ARL10: variants seen among roughly 807,000 people sequenced by gnomAD.
The protein encoded by ARL10 is ARF like GTPase 10, also known as ADP-ribosylation factor-like protein 10.
Under a neutral mutation model 26.1 loss-of-function variants are expected in ARL10, and 23 were observed. The observed-to-expected ratio is 0.88, with a 90% CI of 0.63 to 1.25. The LOEUF (loss-of-function observed/expected upper bound fraction) is 1.25. Ranked by LOEUF, ARL10 falls within the 50% of genes most tolerant of loss-of-function variation. The pLI, the probability that ARL10 is intolerant of heterozygous loss-of-function variation, is 0.00. For missense variants in ARL10, 300 were observed against 323.6 expected, an observed-to-expected ratio of 0.93 and a Z score of 0.56; for synonymous variants, 138 against 149.1, an observed-to-expected ratio of 0.93 and a Z score of 0.54.
intron 1 of ARL10, chr5:176,397,651 G>T: frequency 6.2e-7 from 1 of 1,612,736 alleles, no homozygotes; most frequent in Non-Finnish European, 8.5e-7. Flanking sequence ...TCTGGCGCTG[G>T]TTCCACTCCT....
downstream of ARL10, chr5:176,385,127 C>A: frequency 1.3e-6 from 1 of 789,020 alleles, no homozygotes; most frequent in Non-Finnish European, 2.3e-6. Context: ...TTTCTTTGCA[C>A]TCGGTTTCAG....
At chr5:176,385,203 G>C (rs370500348), downstream of ARL10, 6 of 1,484,634 alleles carry the variant, frequency 4.0e-6, no homozygotes, top group African/African-American at 2.8e-5. Flanking sequence ...GCCAGCCCAC[G>C]GGGCCTGAGC....
chr5:176,388,456 C>T lies in ARL10; in HGVS notation c.198C>T (p.Phe66=), dbSNP rs777084499. 2.5e-6 allele frequency: 4 copies of T among 1,614,114 alleles called. No homozygotes were observed. The Admixed American group carries it at 5.0e-5, about 20-fold the overall frequency. The change falls in exon 2 of 2, where the codon TTC becomes TTT. Residue 66 remains phenylalanine (F), a synonymous_variant. Coordinates refer to the ARL10 transcript ENST00000503175. ...ACCATTCGATCCGCGGCGCTGCCTTCCGTCGAGCATTCCGGTTCAGACGCT... is the reference window on the plus strand; with the variant it reads ...ACCATTCGATCCGCGGCGCTGCCTTTCGTCGAGCATTCCGGTTCAGACGCT...
At chr5:176,408,986 ATTT>A in the ARL10 span, among the ~76,000 whole-genome samples, 2 of 151,856 alleles carry the variant, frequency 1.3e-5, no homozygotes, top group Non-Finnish European at 2.9e-5. Context: ...CTTTAGTTTT[ATTT>A]TTTTGAGATA....
At chr5:176,409,967 C>T in the ARL10 span, among the ~76,000 whole-genome samples, 1 of 152,202 alleles carries the variant, frequency 6.6e-6, no homozygotes, top group Non-Finnish European at 1.5e-5. Flanking sequence ...GCGCTGCCTT[C>T]ATCTCATGCT....
chr5:176,401,442 A>G (rs1756811368), intron 1 of ARL10, among the ~76,000 whole-genome samples: 1 of 152,224 alleles, frequency 6.6e-6, no homozygotes, highest in Non-Finnish European at 1.5e-5. Flanking sequence ...GTGCCAGCCC[A>G]TGTGGGTGTT....
chr5:176,388,739 T>C, downstream of ARL10: 2 of 1,550,264 alleles, frequency 1.3e-6, no homozygotes, highest in Admixed American at 1.9e-5. Flanking sequence ...CTCAATTTAT[T>C]CGTTTCCCCG....
downstream of ARL10, among the ~76,000 whole-genome samples, chr5:176,382,095 A>G (rs1442681294): frequency 1.3e-5 from 2 of 152,206 alleles, no homozygotes; most frequent in African/African-American, 4.8e-5. Flanking sequence ...CTCAAGGCAC[A>G]GTGCCACAGT....
downstream of ARL10, chr5:176,386,613 C>T: frequency 1.6e-6 from 1 of 635,428 alleles, no homozygotes; most frequent in South Asian, 1.6e-5. Flanking sequence ...GGTACATCCT[C>T]CCTAAACATC....
downstream of ARL10, among the ~76,000 whole-genome samples, chr5:176,391,598 C>A (rs371370208): frequency 6.6e-6 from 1 of 152,102 alleles, no homozygotes; most frequent in East Asian, 1.9e-4. Flanking sequence ...AGTGATAAAG[C>A]GAGACCCTGT....
At chr5:176,403,943 AG>A (rs944030326), downstream of ARL10, among the ~76,000 whole-genome samples, 19 of 151,770 alleles carry the variant, frequency 1.3e-4, no homozygotes, top group South Asian at 4.2e-4. Context: ...TATTTTTAGT[AG>A]AGACAGGGTT....
At chr5:176,400,353 CTAT>C (rs781278996) in intron 1 of ARL10, among the ~76,000 whole-genome samples, 58 of 152,230 alleles carry the variant, frequency 3.8e-4, no homozygotes, top group Non-Finnish European at 7.9e-4. Flanking sequence ...AGAATTACTA[CTAT>C]TATTATTCAT....
downstream of ARL10, among the ~76,000 whole-genome samples, chr5:176,383,611 GT>G (rs1219662514): frequency 6.6e-6 from 1 of 152,274 alleles, no homozygotes; most frequent in African/African-American, 2.4e-5. Flanking sequence ...CAGGCCAGGA[GT>G]TGAGCTCCTT....
exon 2 of ARL10, chr5:176,401,764 C>G: frequency 2.2e-6 from 1 of 456,250 alleles, no homozygotes; most frequent in Non-Finnish European, 4.4e-6. Flanking sequence ...AACAGCGACA[C>G]TGAACAATTT....
rs1009253966 is a variant in ARL10, at chr5:176,372,500, T to C, written c.*605T>C. 6.0e-6 allele frequency: 1 copy of C among 165,874 alleles called. No homozygotes were observed. Among genetic ancestry groups the C allele is most frequent in the South Asian group, 2.0e-4 (1 of 4,904 alleles). The allele number at this position is 165,874 out of a possible 1,614,324, so 10.3% of individuals were successfully genotyped here. A position where few individuals can be genotyped will look rare whatever the true frequency, so the allele number is the denominator to read the frequency against. The stretch of plus-strand genomic sequence containing the variant: ...GAGATGCCTTTCCCAGCCATGGGAG[T>C]GTGAAGTGCTAGGATGAACCTGGCC... On this transcript the variant is annotated 3_prime_UTR_variant, in exon 4 of 4. Transcript: ENST00000310389.
rs773904190 is a variant in ARL10 at position 176,371,790 on chromosome 5, G to T, written c.630G>T (p.Gln210His). The T allele has an allele frequency of 6.2e-7, 1 of 1,614,226 alleles. No homozygotes were observed. Among genetic ancestry groups the T allele is most frequent in the Non-Finnish European group, 8.5e-7 (1 of 1,180,044 alleles). ...RELGLQAIDNQREVFLLAASI... is the reference protein window; with the variant it reads ...RELGLQAIDNHREVFLLAASI... ...TGGGTCTACAGGCTATCGATAACCAGCGGGAGGTTTTCCTCTTGGCAGCCA... is the reference window on the plus strand; with the variant it reads ...TGGGTCTACAGGCTATCGATAACCATCGGGAGGTTTTCCTCTTGGCAGCCA... Residue 210 changes from glutamine to histidine, a missense_variant, in exon 4 of 4, where the codon CAG (glutamine) becomes CAT (histidine). Transcript: ENST00000310389.
chr5:176,391,472 T>C (rs1756260786), downstream of ARL10, among the ~76,000 whole-genome samples: 2 of 152,026 alleles, frequency 1.3e-5, no homozygotes, highest in Non-Finnish European at 1.5e-5. Flanking sequence ...ATTAGCCAAA[T>C]GTGGTGGCAC....
chr5:176,397,366 CT>C (rs1236199068), intron 1 of ARL10, among the ~76,000 whole-genome samples: 23 of 140,180 alleles, frequency 1.6e-4, no homozygotes, highest in South Asian at 2.4e-4. Flanking sequence ...GTCCCCACAG[CT>C]CCCTCTCATG....
At chr5:176,388,581 G>T in exon 2 of ARL10, 1 of 1,554,786 alleles carries the variant, frequency 6.4e-7, no homozygotes. Context: ...CGCTGCCTCT[G>T]TCTCTCAGAC....
Sources: allele counts gnomAD v4.1 joint callset (sites outside exome capture counted in the v4.1 genomes callset), GRCh38; gene constraint gnomAD v4.1.1; transcripts MANE v1.5; gene names NCBI Gene and HGNC (gene_info 2026-07-23, HGNC 2026-07-21).